The following PDPR variants were observed in gnomAD, a reference collection of about 807,000 sequenced individuals.
The protein encoded by PDPR is pyruvate dehydrogenase phosphatase regulatory subunit, mitochondrial.
Under a neutral mutation model 102.2 loss-of-function variants are expected in PDPR, and 50 were observed. That is an observed-to-expected ratio of 0.49 (90% confidence interval 0.39 to 0.62). PDPR has a LOEUF of 0.62. Ranked by LOEUF, PDPR falls within the 20% of genes least tolerant of loss-of-function variation. PDPR has a pLI of 0.00. For missense variants in PDPR, 625 were observed against 1,098.2 expected, an observed-to-expected ratio of 0.57 and a Z score of 6.09; for synonymous variants, 259 against 406.0, an observed-to-expected ratio of 0.64 and a Z score of 4.35.
At position 70,157,458 on chromosome 16, in the gene PDPR, A is replaced by G; in HGVS notation, c.*579A>G. 1 of 345,506 alleles carries G rather than the reference A, an allele frequency of 2.9e-6. No homozygotes were observed. Among genetic ancestry groups the G allele is most frequent in the South Asian group, 2.3e-5 (1 of 42,556 alleles). 21.4% of individuals were successfully genotyped at this position (345,506 alleles called of 1,614,324 possible). On this transcript the variant is annotated 3_prime_UTR_variant, in exon 19 of 19. Coordinates refer to ENST00000288050, the MANE Select transcript of PDPR (RefSeq NM_017990.5). ...CTACCTCACTGATAAGAGGCATCGCATGGACGTTCTCTGGTCTGTAGTGGA... is the reference window on the plus strand; with the variant it reads ...CTACCTCACTGATAAGAGGCATCGCGTGGACGTTCTCTGGTCTGTAGTGGA...
chr16:70,155,366 C>T (rs1397423223), intron 18 of PDPR, among the ~76,000 whole-genome samples: 2 of 152,218 alleles, frequency 1.3e-5, no homozygotes, highest in Non-Finnish European at 2.9e-5. Flanking sequence ...ACTGCAATCT[C>T]TGCCTCCTGG....
rs899638409 is a variant in PDPR, at chr16:70,161,187, G to C, written c.*4308G>C. The C allele has an allele frequency of 1.0e-4, 16 of 153,118 alleles. No individual in the cohort carries two copies. Among genetic ancestry groups the C allele is most frequent in the African/African-American group, 3.9e-4 (16 of 41,322 alleles). The allele number at this position is 153,118 out of a possible 1,614,324, so 9.5% of individuals were successfully genotyped here. A position where few individuals can be genotyped will look rare whatever the true frequency, so the allele number is the denominator to read the frequency against. On this transcript the variant is annotated 3_prime_UTR_variant, in exon 19 of 19. Transcript: ENST00000288050. ...AGCACTTTGGGAGGCCCAGTGAGGT[G>C]GGAGAATTGCTTGAACCCAGGAGGC...
chr16:70,120,372 A>C, intron 2 of PDPR, 89 bp from the exon 3 acceptor site: 1 of 722,810 alleles, frequency 1.4e-6, no homozygotes, highest in Non-Finnish European at 2.4e-6. Flanking sequence ...TTGCTGAATG[A>C]ATGGCTATCG....
intron 3 of PDPR, among the ~76,000 whole-genome samples, chr16:70,124,785 C>T (rs1963750364): frequency 1.3e-5 from 2 of 152,184 alleles, no homozygotes; most frequent in Admixed American, 6.6e-5. Context: ...CTTTAGGGAG[C>T]TGACAATCTT....
In PDPR at chr16:70,133,525, C is replaced by T. The variant is rs183253332; in HGVS notation, c.997+1225C>T. Among the ~76,000 whole-genome samples, 99 of 150,882 alleles carry T rather than the reference C, an allele frequency of 6.6e-4. No individual in the cohort carries two copies. The East Asian group carries it at 0.013, about 20-fold the overall frequency. On this transcript the variant is annotated intron_variant, in intron 9 of 18. Coordinates refer to ENST00000288050, the MANE Select transcript of PDPR (RefSeq NM_017990.5). ...CTCCACCTCCTAGGTTCAAGTGATTCTCATGCCTCAGCCTCCTGAGTAGCT... is the reference window on the plus strand; with the variant it reads ...CTCCACCTCCTAGGTTCAAGTGATTTTCATGCCTCAGCCTCCTGAGTAGCT...
intron 6 of PDPR, among the ~76,000 whole-genome samples, 159 bp downstream of exon 6, chr16:70,129,281 G>A (rs1214458850): frequency 6.6e-6 from 1 of 152,296 alleles, no homozygotes; most frequent in Non-Finnish European, 1.5e-5. Context: ...TTATTTATCT[G>A]TTAATGAGTG....
intron 3 of PDPR, among the ~76,000 whole-genome samples, chr16:70,120,973 G>A (rs1181425750): frequency 3.9e-5 from 5 of 127,382 alleles, no homozygotes; most frequent in Admixed American, 9.6e-5. Flanking sequence ...TGGTGTTTTG[G>A]TAGACAGGAT....
In PDPR at chr16:70,136,465, T is replaced by C. The variant is rs375218044; in HGVS notation, c.1190+79T>C. On this transcript the variant is annotated intron_variant, in intron 10 of 18. Coordinates refer to ENST00000288050, the MANE Select transcript of PDPR (RefSeq NM_017990.5). ...TCTTCCCTTCTAGAATTACTTGTTA[T>C]TAACATGGCGTGTGGTATATTTAAT... The C allele has an allele frequency of 6.9e-3, 7,424 of 1,079,030 alleles. 105 individuals are homozygous for C. The African/African-American group carries it at 0.11, about 16-fold the overall frequency. 66.8% of individuals were successfully genotyped at this position (1,079,030 alleles called of 1,614,324 possible). A position where few individuals can be genotyped will look rare whatever the true frequency, so the allele number is the denominator to read the frequency against.
intron 2 of PDPR, among the ~76,000 whole-genome samples, chr16:70,116,648 C>G (rs1962667728): frequency 6.6e-6 from 1 of 150,580 alleles, no homozygotes; most frequent in Non-Finnish European, 1.5e-5. Flanking sequence ...GCCCAAGATG[C>G]AATGGTGGCC....
chr16:70,127,723 A>T (rs565590464), intron 4 of PDPR, among the ~76,000 whole-genome samples: 2 of 152,414 alleles, frequency 1.3e-5, no homozygotes, highest in African/African-American at 4.8e-5. Flanking sequence ...ATTAAGAGTC[A>T]TTGCATTTTA....
chr16:70,120,767 A>G (rs775744454), intron 3 of PDPR, 48 bp downstream of exon 3: 18 of 1,212,912 alleles, frequency 1.5e-5, no homozygotes, highest in South Asian at 2.5e-5. Context: ...CACTAATCGT[A>G]TAAGATTCCC....
intron 17 of PDPR, among the ~76,000 whole-genome samples, chr16:70,151,190 T>TC (rs1228167248): frequency 6.6e-6 from 1 of 152,232 alleles, no homozygotes; most frequent in African/African-American, 2.4e-5. Context: ...TGCCTCAGCC[T>TC]CCCAAAGTGC....
chr16:70,128,194 G>C (rs563998839), intron 4 of PDPR, among the ~76,000 whole-genome samples: 14 of 152,246 alleles, frequency 9.2e-5, no homozygotes, highest in Admixed American at 3.3e-4. Context: ...GGGAAGAATA[G>C]GGATGGTCGA....
At chr16:70,156,327 C>T (rs916597175) in intron 18 of PDPR, 148 bp from the exon 19 acceptor site, 39 of 948,010 alleles carry the variant, frequency 4.1e-5, no homozygotes, top group South Asian at 1.9e-4. Context: ...TGGTAGAAAT[C>T]GCACAGTTTC....
At chr16:70,137,539 A>C (rs1329467584) in intron 10 of PDPR, among the ~76,000 whole-genome samples, 1 of 152,260 alleles carries the variant, frequency 6.6e-6, no homozygotes, top group African/African-American at 2.4e-5. Context: ...GAATGAGCAC[A>C]GAGTTCCAGA....
intron 17 of PDPR, 100 bp downstream of exon 17, chr16:70,148,653 C>G (rs558529507): frequency 2.7e-6 from 3 of 1,101,242 alleles, no homozygotes; most frequent in Non-Finnish European, 1.4e-6. Context: ...CCCAGCAGCG[C>G]GTTCACCAGC....
chr16:70,115,819 G>A (rs1962580906), intron 2 of PDPR, among the ~76,000 whole-genome samples: 2 of 152,004 alleles, frequency 1.3e-5, no homozygotes, highest in Admixed American at 6.6e-5. Flanking sequence ...TCTATCATTT[G>A]TTTTAAACCA....
intron 9 of PDPR, among the ~76,000 whole-genome samples, chr16:70,134,629 T>C (rs1435084233): frequency 1.3e-4 from 20 of 151,464 alleles, no homozygotes; most frequent in Admixed American, 2.6e-4. Flanking sequence ...CCCGTCTAAA[T>C]ATAAAAATTA....
At chr16:70,118,905 C>G (rs916142900) in intron 2 of PDPR, among the ~76,000 whole-genome samples, 1 of 151,968 alleles carries the variant, frequency 6.6e-6, no homozygotes, top group Non-Finnish European at 1.5e-5. Context: ...TGAGAGTCAT[C>G]TCTGATGGAT....
Sources: allele counts gnomAD v4.1 joint callset (sites outside exome capture counted in the v4.1 genomes callset), GRCh38; gene constraint gnomAD v4.1.1; transcripts MANE v1.5; gene names NCBI Gene and HGNC (gene_info 2026-07-23, HGNC 2026-07-21).